The following IQCM variants were observed in gnomAD, a reference collection of about 807,000 sequenced individuals.
The protein encoded by IQCM is IQ motif containing M.
IQCM carries 45 observed loss-of-function variants against 57.6 expected under a neutral mutation model. That is an observed-to-expected ratio of 0.78 (90% CI 0.62 to 1.00). The LOEUF (loss-of-function observed/expected upper bound fraction) is 1.00, where lower values mean the gene tolerates loss of function less well. IQCM is among the 50% of genes least tolerant of loss of function. IQCM has a pLI of 0.00. For missense variants in IQCM, 468 were observed against 511.6 expected (o/e 0.91, Z 0.82); for synonymous variants, 148 against 158.9 (o/e 0.93, Z 0.51).
intron 12 of IQCM, among the ~76,000 whole-genome samples, chr4:149,499,290 C>T (rs1016187206): frequency 1.9e-4 from 29 of 152,210 alleles, no homozygotes; most frequent in African/African-American, 6.7e-4. Flanking sequence ...TAAAAATATA[C>T]ATGCATGTGC....
At position 149,397,276 on chromosome 4, in the gene IQCM, G is replaced by T. The variant is rs1359204174; in HGVS notation, c.1390+36120C>A. Among the ~76,000 whole-genome samples, 4 of 151,714 alleles carry T rather than the reference G, an allele frequency of 2.6e-5. No individual in the cohort carries two copies. In the South Asian group the frequency reaches 8.3e-4, roughly 32 times the overall value. On this transcript the variant is annotated intron_variant, in intron 13 of 13. Coordinates refer to ENST00000636793, the MANE Select transcript of IQCM (RefSeq NM_001363507.2). ...AGGTGATCTTTCACTGTGGTTGTGA[G>T]TTGCATTTCCCTGATGATTAGTGAT...
intron 13 of IQCM, among the ~76,000 whole-genome samples, chr4:149,383,861 G>A (rs929640008): frequency 6.6e-6 from 1 of 152,092 alleles, no homozygotes; most frequent in Non-Finnish European, 1.5e-5. Flanking sequence ...GCTGAGGCAG[G>A]AGAATCACTT....
At chr4:149,557,104 T>C (rs1749664113) in intron 10 of IQCM, among the ~76,000 whole-genome samples, 1 of 152,218 alleles carries the variant, frequency 6.6e-6, no homozygotes, top group South Asian at 2.1e-4. Flanking sequence ...TGCCTCTCTA[T>C]AGGCCGTGGT....
chr4:149,732,718 C>G (rs927893735), intron 5 of IQCM, among the ~76,000 whole-genome samples: 5 of 152,136 alleles, frequency 3.3e-5, no homozygotes, highest in Non-Finnish European at 5.9e-5. Context: ...GTCATGTATT[C>G]AAGCCATTAT....
chr4:149,659,312 C>T (rs879093175), intron 7 of IQCM, among the ~76,000 whole-genome samples: 7 of 151,920 alleles, frequency 4.6e-5, no homozygotes, highest in Non-Finnish European at 7.4e-5. Context: ...TACAAACCAC[C>T]GCTCAATGAA....
At chr4:149,398,709 T>C (rs552707118) in intron 13 of IQCM, among the ~76,000 whole-genome samples, 13 of 151,904 alleles carry the variant, frequency 8.6e-5, no homozygotes, top group African/African-American at 2.9e-4. Context: ...TACTATACTT[T>C]ATTATTATTT....
chr4:149,526,786 C>T (rs1746204264), intron 12 of IQCM, among the ~76,000 whole-genome samples: 1 of 151,890 alleles, frequency 6.6e-6, no homozygotes, highest in Non-Finnish European at 1.5e-5. Context: ...ACTGTGAATG[C>T]AACATATTAC....
At chr4:149,443,396 A>G (rs777818591) in intron 12 of IQCM, among the ~76,000 whole-genome samples, 23 of 152,034 alleles carry the variant, frequency 1.5e-4, no homozygotes, top group Non-Finnish European at 2.8e-4. Flanking sequence ...GGGAATCCAA[A>G]TCACTTCCAA....
In IQCM at chr4:149,574,191, T is replaced by C. The variant is rs550350491; in HGVS notation, c.750-10301A>G. On this transcript the variant is annotated intron_variant, in intron 9 of 13. Transcript: ENST00000636793. ...TGGAGACTAAGTGACCTCCTCTGAGTTAGAGAATCACAGAAATTATTCTTT... is the reference window on the plus strand; with the variant it reads ...TGGAGACTAAGTGACCTCCTCTGAGCTAGAGAATCACAGAAATTATTCTTT... Among the ~76,000 whole-genome samples the C allele has an allele frequency of 7.9e-5, 12 of 152,092 alleles. No individual in the cohort carries two copies. The South Asian group carries it at 2.5e-3, about 32-fold the overall frequency.
intron 13 of IQCM, among the ~76,000 whole-genome samples, chr4:149,400,435 C>T (rs745786638): frequency 1.3e-5 from 2 of 151,984 alleles, no homozygotes; most frequent in South Asian, 2.1e-4. Context: ...GCAGACTTCA[C>T]GTGGCATGAG....
At chr4:149,807,832 G>A (rs1418123607) in intron 2 of IQCM, among the ~76,000 whole-genome samples, 2 of 151,944 alleles carry the variant, frequency 1.3e-5, no homozygotes, top group Non-Finnish European at 2.9e-5. Flanking sequence ...ATGAAAAAAT[G>A]TTCAGCATCA....
intron 5 of IQCM, among the ~76,000 whole-genome samples, chr4:149,715,795 C>T (rs567900369): frequency 6.6e-6 from 1 of 152,286 alleles, no homozygotes; most frequent in South Asian, 2.1e-4. Flanking sequence ...ATTTGCTCAC[C>T]TCTCAGCTCC....
chr4:149,527,088 A>T (rs1476654405), intron 12 of IQCM, among the ~76,000 whole-genome samples: 1 of 152,206 alleles, frequency 6.6e-6, no homozygotes, highest in Non-Finnish European at 1.5e-5. Flanking sequence ...AACGGGAATC[A>T]GCATATCAAC....
At chr4:149,378,124 G>A (rs1169842997) in intron 13 of IQCM, among the ~76,000 whole-genome samples, 1 of 152,236 alleles carries the variant, frequency 6.6e-6, no homozygotes, top group Admixed American at 6.5e-5. Flanking sequence ...TGTAAGATGT[G>A]CCTTTCATCT....
intron 5 of IQCM, among the ~76,000 whole-genome samples, chr4:149,708,606 G>A (rs574325448): frequency 6.6e-6 from 1 of 152,062 alleles, no homozygotes; most frequent in African/African-American, 2.4e-5. Context: ...GCAAATTCCT[G>A]ATTAGGATCA....
At chr4:149,592,319 G>A (rs1753272794) in intron 8 of IQCM, among the ~76,000 whole-genome samples, 1 of 151,908 alleles carries the variant, frequency 6.6e-6, no homozygotes, top group Non-Finnish European at 1.5e-5. Flanking sequence ...TTTTTTTCTT[G>A]TAAATTTGTT....
At chr4:149,743,465 A>C (rs1411136605) in intron 2 of IQCM, among the ~76,000 whole-genome samples, 1 of 142,350 alleles carries the variant, frequency 7.0e-6, no homozygotes, top group Non-Finnish European at 1.6e-5. Context: ...CTATATATCT[A>C]TATTCCCAAT....
intron 5 of IQCM, among the ~76,000 whole-genome samples, chr4:149,708,753 A>C (rs1376545420): frequency 6.6e-6 from 1 of 152,014 alleles, no homozygotes; most frequent in African/African-American, 2.4e-5. Flanking sequence ...TTGCATTAGG[A>C]GTCATATTTT....
chr4:149,683,314 G>A (rs1579985700), intron 6 of IQCM, among the ~76,000 whole-genome samples: 1 of 151,154 alleles, frequency 6.6e-6, no homozygotes, highest in African/African-American at 2.4e-5. Flanking sequence ...AAATTAAAAT[G>A]TTGGTTTGAA....
Sources: gnomAD v4.1 joint callset for allele counts (sites outside exome capture counted in the v4.1 genomes callset) on GRCh38, gnomAD v4.1.1 for gene constraint, MANE v1.5 for transcripts, NCBI Gene and HGNC (gene_info 2026-07-23, HGNC 2026-07-21) for gene names.